CNBD1: variants seen among roughly 807,000 people sequenced by gnomAD.
The protein encoded by CNBD1 is cyclic nucleotide-binding domain-containing protein 1.
CNBD1 carries 71 observed loss-of-function variants against 54.4 expected under a neutral mutation model. The ratio of observed to expected loss-of-function variants is 1.30; its 90% CI spans 1.08 to 1.59. The LOEUF is 1.59. Among genes scored for constraint, CNBD1 ranks in the 40% most tolerant of loss-of-function variants. The pLI, the probability that CNBD1 is intolerant of heterozygous loss-of-function variation, is 0.00. For synonymous variants in CNBD1, 182 were observed against 170.7 expected (o/e 1.07, Z -0.51); for missense variants, 659 against 518.0 (o/e 1.27, Z -2.64).
At chr8:87,050,144 C>A (rs777072059) in intron 4 of CNBD1, among the ~76,000 whole-genome samples, 1 of 152,096 alleles carries the variant, frequency 6.6e-6, no homozygotes, top group Non-Finnish European at 1.5e-5. Context: ...TAGGGTGATA[C>A]AAAGGGTGAG....
intron 5 of CNBD1, among the ~76,000 whole-genome samples, chr8:87,226,234 A>G (rs1409363220): frequency 2.0e-5 from 3 of 151,120 alleles, no homozygotes; most frequent in South Asian, 4.2e-4. Flanking sequence ...TTGTGTCTCT[A>G]TTTCCTTCAG....
chr8:87,384,150 T>G (rs1348576095), downstream of CNBD1, among the ~76,000 whole-genome samples: 1 of 152,026 alleles, frequency 6.6e-6, no homozygotes, highest in East Asian at 1.9e-4. Flanking sequence ...ACAAGAAAAG[T>G]TTTAATTATG....
intron 4 of CNBD1, among the ~76,000 whole-genome samples, chr8:87,114,263 A>T (rs554425769): frequency 6.6e-6 from 1 of 152,344 alleles, no homozygotes; most frequent in East Asian, 1.9e-4. Context: ...AACATAAGTG[A>T]TTCAGTAAAT....
At chr8:87,320,253 T>C (rs1809490826) in intron 8 of CNBD1, among the ~76,000 whole-genome samples, 1 of 150,746 alleles carries the variant, frequency 6.6e-6, no homozygotes, top group African/African-American at 2.4e-5. Flanking sequence ...AGGACATAAC[T>C]AATTGTGTTT....
intron 2 of CNBD1, among the ~76,000 whole-genome samples, chr8:87,412,723 G>C (rs1387042188): frequency 6.6e-6 from 1 of 152,044 alleles, no homozygotes; most frequent in Non-Finnish European, 1.5e-5. Flanking sequence ...CATAGTCACA[G>C]GAGCCTCTGT....
chr8:87,264,657 C>T (rs1808211346), intron 6 of CNBD1, among the ~76,000 whole-genome samples: 1 of 152,052 alleles, frequency 6.6e-6, no homozygotes, highest in Non-Finnish European at 1.5e-5. Flanking sequence ...CTCTCCAGCA[C>T]CTGTTGTTTC....
intron 8 of CNBD1, among the ~76,000 whole-genome samples, chr8:87,324,173 AG>A (rs1660583146): frequency 1.6e-5 from 2 of 125,190 alleles, no homozygotes; most frequent in Admixed American, 1.6e-4. Context: ...ATGGTGGATA[AG>A]CTTTTTGATG....
At chr8:87,243,467 G>T (rs1309819395) in intron 6 of CNBD1, among the ~76,000 whole-genome samples, 1 of 152,120 alleles carries the variant, frequency 6.6e-6, no homozygotes, top group Non-Finnish European at 1.5e-5. Context: ...AATGGGTGCT[G>T]CCTGACCTTC....
At chr8:87,048,976 A>G (rs1267334813) in intron 4 of CNBD1, among the ~76,000 whole-genome samples, 1 of 152,230 alleles carries the variant, frequency 6.6e-6, no homozygotes, top group Non-Finnish European at 1.5e-5. Context: ...TTCACTGACT[A>G]GAGGCTGGCA....
intron 2 of CNBD1, among the ~76,000 whole-genome samples, chr8:87,392,810 G>T (rs1198365478): frequency 6.6e-6 from 1 of 151,906 alleles, no homozygotes; most frequent in Non-Finnish European, 1.5e-5. Context: ...TGTGTTGTAC[G>T]TGACTTATAT....
chr8:87,326,475 C>T, intron 8 of CNBD1, among the ~76,000 whole-genome samples: 1 of 123,862 alleles, frequency 8.1e-6, no homozygotes, highest in African/African-American at 2.9e-5. Flanking sequence ...TCACATAGTC[C>T]CATATTTCTT....
intron 8 of CNBD1, among the ~76,000 whole-genome samples, chr8:87,292,204 G>A (rs10808370): frequency 0.28 from 43,036 of 151,930 alleles, 6,571 homozygotes; most frequent in African/African-American, 0.4. Context: ...GAATTGCATC[G>A]TTGCAATAAA....
chr8:86,899,645 C>T (rs1389376911), intron 2 of CNBD1, among the ~76,000 whole-genome samples: 1 of 151,964 alleles, frequency 6.6e-6, no homozygotes, highest in African/African-American at 2.4e-5. Flanking sequence ...AATTTATAGG[C>T]TTAGGGATAT....
At chr8:87,221,797 C>T (rs559484916) in intron 5 of CNBD1, among the ~76,000 whole-genome samples, 1 of 152,142 alleles carries the variant, frequency 6.6e-6, no homozygotes, top group South Asian at 2.1e-4. Context: ...CTTTACATCC[C>T]GTCCAGTTAG....
intron 4 of CNBD1, among the ~76,000 whole-genome samples, chr8:87,119,764 T>C (rs1039988462): frequency 6.6e-6 from 1 of 152,150 alleles, no homozygotes; most frequent in Non-Finnish European, 1.5e-5. Context: ...CTTCTATGTC[T>C]AGTTTGTTGA....
chr8:87,095,413 G>A (rs1020334595), intron 4 of CNBD1, among the ~76,000 whole-genome samples: 3 of 152,128 alleles, frequency 2.0e-5, no homozygotes, highest in Non-Finnish European at 4.4e-5. Context: ...CTATTTGAGT[G>A]TTGTCTTTTT....
chr8:87,272,414 C>A (rs1378789481), intron 6 of CNBD1, among the ~76,000 whole-genome samples: 1 of 151,880 alleles, frequency 6.6e-6, no homozygotes, highest in Non-Finnish European at 1.5e-5. Context: ...TGAATTTAGG[C>A]TGACACAGTT....
chr8:87,259,096 G>A (rs1808082530), intron 6 of CNBD1, among the ~76,000 whole-genome samples: 1 of 152,100 alleles, frequency 6.6e-6, no homozygotes, highest in East Asian at 1.9e-4. Flanking sequence ...ACATGTTATA[G>A]TGGTAATTTT....
At chr8:87,220,742 C>T (rs1263628951) in intron 5 of CNBD1, among the ~76,000 whole-genome samples, 5 of 151,982 alleles carry the variant, frequency 3.3e-5, no homozygotes, top group Non-Finnish European at 7.4e-5. Flanking sequence ...ATTTTCCTAT[C>T]ATGAATACTG....
Sources: allele counts gnomAD v4.1 joint callset (sites outside exome capture counted in the v4.1 genomes callset), GRCh38; gene constraint gnomAD v4.1.1; transcripts MANE v1.5; gene names NCBI Gene and HGNC (gene_info 2026-07-23, HGNC 2026-07-21).